AGAP1: variants seen among roughly 807,000 people sequenced by gnomAD.
The protein encoded by AGAP1 is ArfGAP with GTPase domain, ankyrin repeat and PH domain 1.
In AGAP1, 29 loss-of-function variants were observed where a neutral mutation model predicts 105.3. The observed-to-expected ratio is 0.28, with a 90% CI of 0.21 to 0.38. The LOEUF (loss-of-function observed/expected upper bound fraction) is 0.38, where lower values mean the gene tolerates loss of function less well. AGAP1 is among the 10% of genes least tolerant of loss of function. The pLI is 1.00. For missense variants in AGAP1, 998 were observed against 1,165.1 expected (o/e 0.86, Z 2.09); for synonymous variants, 509 against 485.9 (o/e 1.05, Z -0.63).
chr2:235,935,745 C>G (rs1239240766), intron 12 of AGAP1, among the ~76,000 whole-genome samples: 2 of 152,138 alleles, frequency 1.3e-5, no homozygotes, highest in Non-Finnish European at 2.9e-5. Context: ...TTATTGGAAG[C>G]CTGTAATTTT....
Position 236,046,522 on chromosome 2 carries a change from C to G in AGAP1, c.1892-2537C>G, listed in dbSNP as rs186878474. ...AAGAATTAAGGTGGACCCCTGGGGT[C>G]CCAGCTTGAATAGCTGGGACAGGAG... On this transcript the variant is annotated intron_variant, in intron 15 of 17. Coordinates refer to ENST00000304032, the MANE Select transcript of AGAP1 (RefSeq NM_001037131.3). The surrounding 1 kb of genome is among the most constrained non-coding windows in gnomAD (Gnocchi z 5.2). 6.6e-6 allele frequency among the ~76,000 whole-genome samples: 1 copy of G among 152,142 alleles called. No individual in the cohort carries two copies. Among genetic ancestry groups the G allele is most frequent in the Non-Finnish European group, 1.5e-5 (1 of 68,022 alleles).
intron 1 of AGAP1, among the ~76,000 whole-genome samples, chr2:235,518,944 G>C (rs565724655): frequency 6.6e-6 from 1 of 152,168 alleles, no homozygotes; most frequent in Non-Finnish European, 1.5e-5. Flanking sequence ...AGGAGGCTGC[G>C]GCCAGTTGGC....
chr2:235,729,227 C>A lies in AGAP1; in HGVS notation c.310+11583C>A, dbSNP rs1038249309. Among the ~76,000 whole-genome samples, 1 of 152,110 alleles carries A rather than the reference C, an allele frequency of 6.6e-6. No homozygotes were observed. The highest frequency in any genetic ancestry group is 2.4e-5 in the African/African-American group (1 of 41,338). ...CCCCCTGCACTAACTAGGGCGTGTG[C>A]CCCTTGAGGAGCCGCATCCGCTTAT... On this transcript the variant is annotated intron_variant, in intron 3 of 17. Transcript: ENST00000304032. The surrounding 1 kb of genome is among the most constrained non-coding windows in gnomAD (Gnocchi z 5.0).
At chr2:235,509,637 C>T (rs6751764) in intron 1 of AGAP1, among the ~76,000 whole-genome samples, 5,159 of 152,224 alleles carry the variant, frequency 0.034, 119 homozygotes, top group Middle Eastern at 0.16. Context: ...AACCATTCCC[C>T]GACCCCAACA....
At chr2:235,774,988 AT>A (rs991164354) in intron 6 of AGAP1, among the ~76,000 whole-genome samples, 1 of 151,080 alleles carries the variant, frequency 6.6e-6, no homozygotes, top group Admixed American at 6.6e-5. Flanking sequence ...AGCCAAATTT[AT>A]TTTTTTTTAT....
At chr2:235,821,506 C>T (rs1362580986) in intron 9 of AGAP1, among the ~76,000 whole-genome samples, 2 of 151,666 alleles carry the variant, frequency 1.3e-5, no homozygotes, top group African/African-American at 4.9e-5. Flanking sequence ...GCCTCAGCCT[C>T]CCGAGTAGCC....
At chr2:236,112,718 G>A (rs889281381) in intron 16 of AGAP1, among the ~76,000 whole-genome samples, 4 of 152,328 alleles carry the variant, frequency 2.6e-5, no homozygotes, top group South Asian at 4.1e-4. Context: ...ACACGCACAC[G>A]CACAGAACGC....
intron 17 of AGAP1, among the ~76,000 whole-genome samples, chr2:236,122,717 C>T (rs2059929754): frequency 7.4e-6 from 1 of 134,638 alleles, no homozygotes; most frequent in African/African-American, 2.9e-5. Flanking sequence ...GAGTCTCACT[C>T]TGTCTCCCGG....
intron 1 of AGAP1, among the ~76,000 whole-genome samples, chr2:235,602,690 G>C (rs548443844): frequency 6.7e-6 from 1 of 148,262 alleles, no homozygotes; most frequent in African/African-American, 2.6e-5. Flanking sequence ...GCAGTTATCC[G>C]CATCAGACAC....
In AGAP1 at chr2:235,600,754, G is replaced by A. The variant is rs1176906112; in HGVS notation, c.163+105905G>A. 1.3e-5 allele frequency among the ~76,000 whole-genome samples: 2 copies of A among 152,134 alleles called. No individual in the cohort carries two copies. Among genetic ancestry groups the A allele is most frequent in the African/African-American group, 4.8e-5 (2 of 41,414 alleles). Reference sequence around the variant, plus strand: ...ATTTGCTGGCAGCTGATTAAATGATGCCCACCCAGATTGAGGGTGGGTCTG... The same window carrying A: ...ATTTGCTGGCAGCTGATTAAATGATACCCACCCAGATTGAGGGTGGGTCTG... On this transcript the variant is annotated intron_variant, in intron 1 of 17. Coordinates refer to ENST00000304032, the MANE Select transcript of AGAP1 (RefSeq NM_001037131.3). This position sits in a 1 kb window ranked among gnomAD's most constrained non-coding sequence, Gnocchi z 4.8.
Position 236,042,883 on chromosome 2 carries a change from G to A in AGAP1, c.1891+2042G>A, listed in dbSNP as rs890260897. Among the ~76,000 whole-genome samples the A allele has an allele frequency of 2.0e-5, 3 of 152,240 alleles. No individual in the cohort carries two copies. Among genetic ancestry groups the A allele is most frequent in the Admixed American group, 6.5e-5 (1 of 15,284 alleles). ...AATGTGTGGTCTGTGTCAGCCCGGT[G>A]CCAAACCCTCCCATGCGCTGTCTTT... On this transcript the variant is annotated intron_variant, in intron 15 of 17. Coordinates refer to ENST00000304032, the MANE Select transcript of AGAP1 (RefSeq NM_001037131.3). The surrounding 1 kb of genome is among the most constrained non-coding windows in gnomAD (Gnocchi z 5.6).
intron 1 of AGAP1, among the ~76,000 whole-genome samples, chr2:235,541,881 T>C (rs1484104679): frequency 6.6e-6 from 1 of 152,226 alleles, no homozygotes; most frequent in Non-Finnish European, 1.5e-5. Context: ...TAATGAGTCA[T>C]GATAATGCAC....
In AGAP1 at chr2:236,002,464, C is replaced by T. The variant is rs1559180632; in HGVS notation, c.1645+33841C>T. On this transcript the variant is annotated intron_variant, in intron 13 of 17. Coordinates refer to ENST00000304032, the MANE Select transcript of AGAP1 (RefSeq NM_001037131.3). The surrounding 1 kb of genome is among the most constrained non-coding windows in gnomAD (Gnocchi z 4.3). ...GGGAGAGGCTGTGTGTTTTCATAAG[C>T]GAATCCTGATTTTCTGACAAAAGAG... 6.6e-6 allele frequency among the ~76,000 whole-genome samples: 1 copy of T among 152,106 alleles called. No individual in the cohort carries two copies. The highest frequency in any genetic ancestry group is 1.5e-5 in the Non-Finnish European group (1 of 68,040).
rs1426343814 is a variant in AGAP1 at position 235,700,327 on chromosome 2, A to G, written c.164-8852A>G. Reference sequence around the variant, plus strand: ...TCTGTTTTCACATTTTAAGAAGGAAAGGGCAATTTTCTTCCTTGCCGTTTT... The same window carrying G: ...TCTGTTTTCACATTTTAAGAAGGAAGGGGCAATTTTCTTCCTTGCCGTTTT... On this transcript the variant is annotated intron_variant, in intron 1 of 17. Transcript: ENST00000304032. This position sits in a 1 kb window ranked among gnomAD's most constrained non-coding sequence, Gnocchi z 6.1. Among the ~76,000 whole-genome samples the G allele has an allele frequency of 6.6e-6, 1 of 152,164 alleles. No individual in the cohort carries two copies. Among genetic ancestry groups the G allele is most frequent in the East Asian group, 1.9e-4 (1 of 5,196 alleles).
At chr2:235,852,046 C>T (rs547943105) in intron 9 of AGAP1, among the ~76,000 whole-genome samples, 20 of 152,212 alleles carry the variant, frequency 1.3e-4, no homozygotes, top group Admixed American at 5.9e-4. Context: ...GAGCTGCTGC[C>T]GACTCTGAAA....
At chr2:235,975,877 T>A (rs1260860270) in intron 13 of AGAP1, among the ~76,000 whole-genome samples, 4 of 152,200 alleles carry the variant, frequency 2.6e-5, no homozygotes, top group African/African-American at 9.6e-5. Flanking sequence ...AACTGCATAA[T>A]CAACAGTAAT....
intron 1 of AGAP1, among the ~76,000 whole-genome samples, chr2:235,616,722 A>G (rs1316291785): frequency 6.6e-6 from 1 of 152,248 alleles, no homozygotes; most frequent in Non-Finnish European, 1.5e-5. Flanking sequence ...CTTGGTGCCT[A>G]GCACAGAGTA....
Position 235,874,346 on chromosome 2 carries a change from GCCCAGAA to G in AGAP1, c.1051-8996_1051-8990del, listed in dbSNP as rs1197265272. Among the ~76,000 whole-genome samples the G allele has an allele frequency of 6.6e-6, 1 of 152,234 alleles. No homozygotes were observed. The highest frequency in any genetic ancestry group is 6.5e-5 in the Admixed American group (1 of 15,280). ...TTACAGATGTAAGCCACTGTGCCCG[GCCCAGAA>G]CCACATTCTTGAGCTGAGCTCCCGA... On this transcript the variant is annotated intron_variant, in intron 9 of 17. Coordinates refer to ENST00000304032, the MANE Select transcript of AGAP1 (RefSeq NM_001037131.3). The surrounding 1 kb of genome is among the most constrained non-coding windows in gnomAD (Gnocchi z 4.5).
At chr2:235,846,994 G>A (rs976625322) in intron 9 of AGAP1, among the ~76,000 whole-genome samples, 21 of 152,230 alleles carry the variant, frequency 1.4e-4, no homozygotes, top group Admixed American at 1.3e-3. Flanking sequence ...GTTAAGAGCT[G>A]TGGATTGCTT....
Sources: gnomAD v4.1 joint callset for allele counts (sites outside exome capture counted in the v4.1 genomes callset) on GRCh38, gnomAD v4.1.1 for gene constraint, Gnocchi (gnomAD v3.1) non-coding constraint, MANE v1.5 for transcripts, NCBI Gene and HGNC (gene_info 2026-07-23, HGNC 2026-07-21) for gene names.